ZEB1: variants seen among roughly 807,000 people sequenced by gnomAD.
ZEB1 encodes the protein zinc finger E-box-binding homeobox 1.
Under a neutral mutation model 84.9 loss-of-function variants are expected in ZEB1, and 21 were observed. The observed-to-expected ratio is 0.25, with a 90% confidence interval of 0.18 to 0.36. ZEB1 has a LOEUF of 0.36. Among genes scored for constraint, ZEB1 ranks in the 10% least tolerant of loss-of-function variants. ZEB1 has a pLI of 1.00. For synonymous variants in ZEB1, 420 were observed against 471.1 expected (o/e 0.89, Z 1.41); for missense variants, 1,104 against 1,330.2 (o/e 0.83, Z 2.65).
intron 1 of ZEB1, among the ~76,000 whole-genome samples, chr10:31,386,751 G>T (rs543051082): frequency 6.6e-6 from 1 of 152,056 alleles, no homozygotes; most frequent in Non-Finnish European, 1.5e-5. Context: ...TACAAAGGGA[G>T]GACAGAATTT....
intron 1 of ZEB1, among the ~76,000 whole-genome samples, chr10:31,332,701 AC>A (rs2037055945): frequency 1.3e-5 from 2 of 152,272 alleles, no homozygotes; most frequent in South Asian, 4.1e-4. Context: ...ATAGATTAAA[AC>A]CAGTGCCTTT....
At chr10:31,325,489 A>T (rs563773941) in intron 1 of ZEB1, among the ~76,000 whole-genome samples, 1 of 152,048 alleles carries the variant, frequency 6.6e-6, no homozygotes, top group Non-Finnish European at 1.5e-5. Context: ...AACATTATGT[A>T]TTTATTGAGA....
At chr10:31,397,982 A>G (rs1159811750) in intron 1 of ZEB1, among the ~76,000 whole-genome samples, 1 of 152,240 alleles carries the variant, frequency 6.6e-6, no homozygotes, top group Non-Finnish European at 1.5e-5. Context: ...CCTGTTTTCT[A>G]TACTGAATAT....
At chr10:31,411,337 C>G (rs897629854) in intron 1 of ZEB1, among the ~76,000 whole-genome samples, 1 of 152,042 alleles carries the variant, frequency 6.6e-6, no homozygotes, top group Admixed American at 6.5e-5. Flanking sequence ...CACACCATAC[C>G]AGAATCTCTG....
chr10:31,350,490 TC>T (rs1377193417), intron 1 of ZEB1, among the ~76,000 whole-genome samples: 1 of 152,160 alleles, frequency 6.6e-6, no homozygotes, highest in African/African-American at 2.4e-5. Context: ...TCTATACTGA[TC>T]AAGAACCAGG....
Position 31,342,154 on chromosome 10 carries a change from A to G in ZEB1, c.58+22862A>G, listed in dbSNP as rs2039498426. 2.6e-5 allele frequency among the ~76,000 whole-genome samples: 4 copies of G among 152,218 alleles called. No homozygotes were observed. In the South Asian group the frequency reaches 8.3e-4, roughly 31 times the overall value. ...GTGGGTATGCTTTGTTGTCTGTGCT[A>G]TTCTCAGTGCCTGACATACAGAATA... On this transcript the variant is annotated intron_variant, in intron 1 of 8. Transcript: ENST00000424869.
chr10:31,450,971 C>T (rs868519566), intron 1 of ZEB1, among the ~76,000 whole-genome samples: 1 of 151,944 alleles, frequency 6.6e-6, no homozygotes, highest in African/African-American at 2.4e-5. Flanking sequence ...ATTATGTTGA[C>T]TTCCTAGAAT....
At chr10:31,321,575 A>G (rs561369286) in intron 1 of ZEB1, 6 of 1,613,976 alleles carry the variant, frequency 3.7e-6, no homozygotes, top group Admixed American at 1.7e-5. Flanking sequence ...TACCTTATTT[A>G]AAATGTTGAT....
intron 1 of ZEB1, among the ~76,000 whole-genome samples, chr10:31,450,041 CCTA>C (rs980824774): frequency 3.9e-5 from 6 of 152,236 alleles, no homozygotes; most frequent in African/African-American, 1.4e-4. Context: ...AGACCATGCT[CCTA>C]CTTCTCTATA....
At chr10:31,318,492 A>T (rs1398041589), upstream of ZEB1, 3 of 152,818 alleles carry the variant, frequency 2.0e-5, no homozygotes, top group East Asian at 5.8e-4. Flanking sequence ...GTTCAATCTC[A>T]TTGAAGTCAC....
In ZEB1 at chr10:31,467,274, A is replaced by C. The variant is rs545176114; in HGVS notation, c.259+6037A>C. Among the ~76,000 whole-genome samples the C allele has an allele frequency of 3.3e-5, 5 of 152,264 alleles. No individual in the cohort carries two copies. The South Asian group carries it at 8.3e-4, about 25-fold the overall frequency. ...TACAGAGGCACTACTTGAAGCCACAAGGAGCCCAAAAGCCTTCAGTGTGCT... is the reference window on the plus strand; with the variant it reads ...TACAGAGGCACTACTTGAAGCCACACGGAGCCCAAAAGCCTTCAGTGTGCT... On this transcript the variant is annotated intron_variant, in intron 2 of 8. Coordinates refer to ENST00000424869, the MANE Select transcript of ZEB1 (RefSeq NM_001174096.2).
At chr10:31,464,302 G>A (rs566682023) in intron 2 of ZEB1, among the ~76,000 whole-genome samples, 11 of 152,050 alleles carry the variant, frequency 7.2e-5, no homozygotes, top group South Asian at 4.2e-4. Context: ...GCAGTGAGCC[G>A]AGATGATGCC....
intron 1 of ZEB1, among the ~76,000 whole-genome samples, chr10:31,351,990 T>C (rs991413832): frequency 1.1e-4 from 17 of 152,208 alleles, no homozygotes; most frequent in Admixed American, 9.8e-4. Context: ...TTTTACTGTA[T>C]ACTAATTCTT....
chr10:31,486,911 C>A (rs776752298), intron 2 of ZEB1, among the ~76,000 whole-genome samples: 2 of 151,368 alleles, frequency 1.3e-5, no homozygotes, highest in Non-Finnish European at 3.0e-5. Context: ...TTTATTAGGG[C>A]TTGTTGTATT....
Position 31,527,081 on chromosome 10 carries a change from AGAGGAG to A in ZEB1, c.3207_3212del (p.Glu1071_Glu1072del), listed in dbSNP as rs369270839. 52 of 1,583,686 alleles carry A rather than the reference AGAGGAG, an allele frequency of 3.3e-5. No individual in the cohort carries two copies. Among genetic ancestry groups the A allele is most frequent in the Admixed American group, 7.0e-5 (4 of 57,328 alleles). On this transcript the variant is annotated inframe_deletion, in exon 9 of 9. Coordinates refer to ENST00000424869, the MANE Select transcript of ZEB1 (RefSeq NM_001174096.2). ...GTGAAAAACCACAAGGGGATGAGGA[AGAGGAG>A]GAGGAGGAGGAAGAAGTGGAAGAAG...
chr10:31,414,185 G>T (rs1047022860), intron 1 of ZEB1, among the ~76,000 whole-genome samples: 1 of 152,152 alleles, frequency 6.6e-6, no homozygotes, highest in African/African-American at 2.4e-5. Flanking sequence ...AATTCAATAA[G>T]TTAATGTGTA....
At chr10:31,424,358 T>G (rs911596097) in intron 1 of ZEB1, among the ~76,000 whole-genome samples, 1 of 151,990 alleles carries the variant, frequency 6.6e-6, no homozygotes, top group Non-Finnish European at 1.5e-5. Context: ...CTTAGTAATA[T>G]GAGTGAAACT....
intron 2 of ZEB1, among the ~76,000 whole-genome samples, chr10:31,486,123 A>G (rs1405699816): frequency 6.6e-6 from 1 of 151,812 alleles, no homozygotes; most frequent in Non-Finnish European, 1.5e-5. Context: ...CAGTTTATCC[A>G]TTCATTAGTG....
At chr10:31,360,992 T>C (rs2042949423) in intron 1 of ZEB1, 3 of 1,606,980 alleles carry the variant, frequency 1.9e-6, no homozygotes, top group South Asian at 1.1e-5. Flanking sequence ...CTGGTGGAGA[T>C]GGTACAGGCG....
Sources: gnomAD v4.1 joint callset for allele counts (sites outside exome capture counted in the v4.1 genomes callset) on GRCh38, gnomAD v4.1.1 for gene constraint, MANE v1.5 for transcripts, NCBI Gene and HGNC (gene_info 2026-07-23, HGNC 2026-07-21) for gene names.